The following PARP11 variants were observed in gnomAD, a reference collection of about 807,000 sequenced individuals.
PARP11 encodes poly(ADP-ribose) polymerase family member 11, also known as protein mono-ADP-ribosyltransferase PARP11.
In PARP11, 31 loss-of-function variants were observed where a neutral mutation model predicts 42.9. The observed-to-expected ratio is 0.72, with a 90% CI of 0.54 to 0.98. PARP11 has a LOEUF of 0.98. PARP11 is among the 50% of genes least tolerant of loss of function. PARP11 has a pLI of 0.00. For synonymous variants in PARP11, 137 were observed against 127.3 expected, an observed-to-expected ratio of 1.08 and a Z score of -0.51; for missense variants, 365 against 413.1, an observed-to-expected ratio of 0.88 and a Z score of 1.01.
chr12:3,856,415 A>G (rs12370945), intron 1 of PARP11, among the ~76,000 whole-genome samples: 26,586 of 152,202 alleles, frequency 0.17, 2,998 homozygotes, highest in East Asian at 0.51. Context: ...ACTCAAACAA[A>G]TTTACAAGAA....
intron 1 of PARP11, among the ~76,000 whole-genome samples, chr12:3,852,063 T>C (rs545803349): frequency 2.3e-3 from 354 of 152,160 alleles, no homozygotes; most frequent in Middle Eastern, 6.8e-3. Context: ...GAAGGAAAAC[T>C]AACAAACAGA....
intron 1 of PARP11, among the ~76,000 whole-genome samples, chr12:3,852,495 A>G (rs1157592422): frequency 2.0e-5 from 3 of 152,216 alleles, no homozygotes; most frequent in Non-Finnish European, 4.4e-5. Context: ...ACGCATGCAC[A>G]AGCTTCAGTA....
intron 2 of PARP11, among the ~76,000 whole-genome samples, chr12:3,829,642 G>A (rs759351150): frequency 9.2e-5 from 14 of 152,164 alleles, no homozygotes; most frequent in Non-Finnish European, 1.9e-4. Context: ...TTGCTCAGAT[G>A]TACTGACACC....
intron 1 of PARP11, among the ~76,000 whole-genome samples, chr12:3,852,814 C>G (rs1292977617): frequency 1.3e-5 from 2 of 151,984 alleles, no homozygotes; most frequent in Non-Finnish European, 2.9e-5. Context: ...ACGAGCAACC[C>G]CAAGATACAT....
At chr12:3,841,579 G>T in intron 1 of PARP11, 1 of 1,611,220 alleles carries the variant, frequency 6.2e-7, no homozygotes, top group South Asian at 1.1e-5. Context: ...TCAGGTGTCT[G>T]AAAGTCACGG....
intron 6 of PARP11, among the ~76,000 whole-genome samples, chr12:3,814,722 TTA>T (rs1177671626): frequency 2.0e-5 from 3 of 152,180 alleles, no homozygotes; most frequent in Non-Finnish European, 4.4e-5. Context: ...AAAAGCATAT[TTA>T]ATGTAGGACT....
At chr12:3,825,563 T>C (rs570504215) in intron 4 of PARP11, among the ~76,000 whole-genome samples, 3 of 152,314 alleles carry the variant, frequency 2.0e-5, no homozygotes, top group African/African-American at 7.2e-5. Context: ...TTTATGAGTT[T>C]AGAGCAGAGA....
intron 1 of PARP11, among the ~76,000 whole-genome samples, chr12:3,856,206 A>G (rs1306898627): frequency 1.3e-5 from 2 of 152,266 alleles, no homozygotes; most frequent in Non-Finnish European, 2.9e-5. Context: ...TTCAGGACAT[A>G]GGCATGGGCA....
intron 7 of PARP11, among the ~76,000 whole-genome samples, chr12:3,813,590 G>A (rs543824829): frequency 6.6e-6 from 1 of 152,292 alleles, no homozygotes; most frequent in African/African-American, 2.4e-5. Flanking sequence ...CTTTTTAGTA[G>A]TTATTTTTTA....
chr12:3,856,265 T>C (rs1288407802), intron 1 of PARP11, among the ~76,000 whole-genome samples: 1 of 152,060 alleles, frequency 6.6e-6, no homozygotes. Flanking sequence ...AAAGCCAAAA[T>C]AGACAAATGG....
At chr12:3,863,885 A>G (rs1948343119) in intron 1 of PARP11, 1 of 152,216 alleles carries the variant, frequency 6.6e-6, no homozygotes, top group Non-Finnish European at 1.5e-5. Context: ...CTTCACCGTA[A>G]ACTGCATTGC....
In PARP11 at chr12:3,843,452, CTGTG is replaced by C. The variant is rs571289183; in HGVS notation, c.19-13438_19-13435del. On this transcript the variant is annotated intron_variant, in intron 1 of 7. Transcript: ENST00000228820. ...TTAGCTTGACAGGTTTCTAGAGTTA[CTGTG>C]TGTGTATTTTTTTTCCCCTTGCACC... is the stretch of plus-strand genomic sequence containing the variant. 4.1e-4 allele frequency among the ~76,000 whole-genome samples: 62 copies of C among 152,292 alleles called. No homozygotes were observed. The South Asian group carries it at 5.4e-3, about 13-fold the overall frequency.
rs537747285 is a variant in PARP11, at chr12:3,859,985, T to C, written c.18+13227A>G. On this transcript the variant is annotated intron_variant, in intron 1 of 7. Coordinates refer to ENST00000228820, the MANE Select transcript of PARP11 (RefSeq NM_020367.6). ...ACCTCTAAACAATTTGCTGAAGGAG[T>C]GGCCTGGGTCCTCCTGACTGCTTAA... 3.3e-5 allele frequency among the ~76,000 whole-genome samples: 5 copies of C among 152,220 alleles called. No homozygotes were observed. In the East Asian group the frequency reaches 9.6e-4, roughly 29 times the overall value.
chr12:3,826,975 T>G (rs377686035), intron 3 of PARP11, among the ~76,000 whole-genome samples: 1 of 152,248 alleles, frequency 6.6e-6, no homozygotes, highest in Non-Finnish European at 1.5e-5. Flanking sequence ...ATGATTATGT[T>G]TACCCACCCA....
chr12:3,857,326 G>A (rs1948212063), intron 1 of PARP11, among the ~76,000 whole-genome samples: 1 of 151,964 alleles, frequency 6.6e-6, no homozygotes, highest in African/African-American at 2.4e-5. Flanking sequence ...GACATGTAGG[G>A]ATAAAACACG....
Position 3,822,386 on chromosome 12 carries a change from CAGG to C in PARP11, c.345-232_345-230del, listed in dbSNP as rs368460630. 5.3e-3 allele frequency among the ~76,000 whole-genome samples: 791 copies of C among 150,512 alleles called. 12 individuals carry two copies. Among genetic ancestry groups the C allele is most frequent in the African/African-American group, 0.018 (736 of 40,524 alleles). ...GGCCGAGGCGAGCGGATCACGAGGT[CAGG>C]AGATCGAGACCATCCTGGCTAACAC... is the stretch of plus-strand genomic sequence containing the variant. On this transcript the variant is annotated intron_variant, in intron 4 of 7. Coordinates refer to ENST00000228820, the MANE Select transcript of PARP11 (RefSeq NM_020367.6).
At position 3,863,682 on chromosome 12, in the gene PARP11, C is replaced by G. The variant is rs1948338889; in HGVS notation, c.18+9530G>C. ...CATACAAGGTTCCAAGCGTCCCTTCCCGGTGCAGTCACATGGGACACACTT... is the reference window on the plus strand; with the variant it reads ...CATACAAGGTTCCAAGCGTCCCTTCGCGGTGCAGTCACATGGGACACACTT... On this transcript the variant is annotated intron_variant, in intron 1 of 7. Transcript: ENST00000228820. Among the ~76,000 whole-genome samples, 3 of 152,166 alleles carry G rather than the reference C, an allele frequency of 2.0e-5. No homozygotes were observed. In the South Asian group the frequency reaches 6.2e-4, roughly 32 times the overall value.
chr12:3,872,661 T>C (rs549537348), intron 1 of PARP11: 1 of 985,108 alleles, frequency 1.0e-6, no homozygotes, highest in East Asian at 1.1e-4. Flanking sequence ...TGATGGCTCC[T>C]CTTAGGCCCA....
At chr12:3,825,271 T>C (rs375662067) in intron 4 of PARP11, among the ~76,000 whole-genome samples, 1 of 152,380 alleles carries the variant, frequency 6.6e-6, no homozygotes, top group East Asian at 1.9e-4. Flanking sequence ...CTGACATTTA[T>C]ACCTCCTTTT....
Sources: gnomAD v4.1 joint callset for allele counts (sites outside exome capture counted in the v4.1 genomes callset) on GRCh38, gnomAD v4.1.1 for gene constraint, MANE v1.5 for transcripts, NCBI Gene and HGNC (gene_info 2026-07-23, HGNC 2026-07-21) for gene names.